The following KLC4 variants were observed in gnomAD, a reference collection of about 807,000 sequenced individuals.
KLC4 encodes kinesin light chain 4, also known as kinesin-like protein 8.
Under a neutral mutation model 77.2 loss-of-function variants are expected in KLC4, and 49 were observed. The ratio of observed to expected loss-of-function variants is 0.63; its 90% CI spans 0.50 to 0.80. KLC4 has a LOEUF of 0.80. KLC4 is among the 30% of genes least tolerant of loss of function. The probability of loss-of-function intolerance (pLI) is 0.00; values close to 1 mark genes in which losing one functional copy is unlikely to be tolerated. For missense variants in KLC4, 669 were observed against 793.5 expected (o/e 0.84, Z 1.89); for synonymous variants, 274 against 314.5 (o/e 0.87, Z 1.36).
chr6:43,066,919 AGTCCTTCCAAAGGGAAG>A, intron 5 of KLC4, 60 bp from the exon 6 acceptor site: 3 of 1,555,844 alleles, frequency 1.9e-6, no homozygotes, highest in Non-Finnish European at 2.6e-6. Context: ...AAATGTACTC[AGTCCTTCCAAAGGGAAG>A]GAGGGAAGGA....
intron 10 of KLC4, 101 bp downstream of exon 10, chr6:43,071,720 C>T: frequency 1.4e-6 from 2 of 1,457,498 alleles, no homozygotes; most frequent in Non-Finnish European, 1.9e-6. Flanking sequence ...ATCCCAGCAC[C>T]AGCCCCAGAT....
chr6:43,068,275 C>T (rs1765554450), intron 6 of KLC4, among the ~76,000 whole-genome samples: 1 of 150,354 alleles, frequency 6.7e-6, no homozygotes, highest in Non-Finnish European at 1.5e-5. Flanking sequence ...AGTTCAAGAC[C>T]ATCCTGGCCA....
At position 43,060,311 on chromosome 6, in the gene KLC4, C is replaced by G. The variant is rs1765077731; in HGVS notation, c.-26+626C>G. The G allele has an allele frequency of 6.2e-6, 10 of 1,611,632 alleles. No individual in the cohort carries two copies. The African/African-American group carries it at 1.2e-4, about 19-fold the overall frequency. ...TGGTTAAGTCTCTCTCTCTCATTCC[C>G]TTCCTGGGAGACAGTAGCTCCCTAG... On this transcript the variant is annotated intron_variant, in intron 1 of 15. Transcript: ENST00000347162.
chr6:43,073,569 C>T (rs922064288), intron 14 of KLC4: 6 of 532,862 alleles, frequency 1.1e-5, no homozygotes, highest in African/African-American at 3.8e-5. Context: ...ATTGCTGGAA[C>T]CCAGGAGGCA....
Position 43,072,828 on chromosome 6 carries a change from C to T in KLC4, c.1493C>T (p.Thr498Ile). Residue 498 changes from threonine to isoleucine, a missense_variant, in exon 13 of 16, where the codon ACT becomes ATT. By Grantham distance (89) the Thr-to-Ile change is moderately conservative (BLOSUM62 -1). Transcript: ENST00000347162. ...GGTCCTTCCTTTTCCTTCCAGGGCA[C>T]TGACCCTATCAGCCAGACGAAGGTG... ...ECALRSRRQG[T>I]DPISQTKVAE... The T allele has an allele frequency of 6.2e-7, 1 of 1,613,902 alleles. No homozygotes were observed. Among genetic ancestry groups the T allele is most frequent in the Non-Finnish European group, 8.5e-7 (1 of 1,179,906 alleles).
rs779697205 is a variant in KLC4, at chr6:43,063,112, C to A, written c.454C>A (p.Gln152Lys). 3.1e-6 allele frequency: 5 copies of A among 1,614,094 alleles called. No homozygotes were observed. Among genetic ancestry groups the A allele is most frequent in the Non-Finnish European group, 4.2e-6 (5 of 1,179,942 alleles). Residue 152 changes from glutamine to lysine, a missense_variant, in exon 3 of 16, where the codon CAG becomes AAG. Gln to Lys is a moderately conservative substitution (Grantham distance 53, BLOSUM62 1). Coordinates refer to ENST00000347162, the MANE Select transcript of KLC4 (RefSeq NM_201521.3). Reference sequence around the variant, plus strand: ...AAAGAAGCACCTGGAGTTCCTGGGGCAGCTGCGGCAGTATGATGAGGATGG... The same window carrying A: ...AAAGAAGCACCTGGAGTTCCTGGGGAAGCTGCGGCAGTATGATGAGGATGG... The part of the protein sequence containing the change: ...EEKKHLEFLG[Q>K]LRQYDEDGHT...
At chr6:43,067,269 C>T (rs4714661) in intron 6 of KLC4, 186 bp downstream of exon 6, 200,308 of 1,258,312 alleles carry the variant, frequency 0.16, 21,124 homozygotes, top group African/African-American at 0.52. Context: ...CTCTGAGACT[C>T]AGTGACTCCT....
chr6:43,071,771 T>G (rs1765742528), intron 10 of KLC4, 81 bp from the exon 11 acceptor site: 1 of 1,516,936 alleles, frequency 6.6e-7, no homozygotes, highest in African/African-American at 1.4e-5. Flanking sequence ...CCTAGCCCCA[T>G]GCCACCTTGC....
intron 8 of KLC4, among the ~76,000 whole-genome samples, 189 bp from the exon 9 acceptor site, chr6:43,071,086 G>A (rs1193288353): frequency 6.6e-6 from 1 of 151,854 alleles, no homozygotes; most frequent in Non-Finnish European, 1.5e-5. Context: ...CTTGGGAGTG[G>A]GCTGGGAATA....
At chr6:43,060,006 G>A in intron 1 of KLC4, 2 of 1,407,480 alleles carry the variant, frequency 1.4e-6, no homozygotes, top group Non-Finnish European at 1.9e-6. Flanking sequence ...CCAACCCTGG[G>A]CACCAGGGCA....
Position 43,063,057 on chromosome 6 carries a change from T to C in KLC4, c.399T>C (p.Ser133=). The C allele has an allele frequency of 1.9e-6, 3 of 1,614,168 alleles. No homozygotes were observed. The highest frequency in any genetic ancestry group is 2.5e-6 in the Non-Finnish European group (3 of 1,180,030). Residue 133 remains serine, a synonymous_variant, in exon 3 of 16, where the codon AGT becomes AGC. Transcript: ENST00000347162. ...LAGTQQRLQR[S]EQAVAQLEEE... Reference sequence around the variant, plus strand: ...GCACCCAGCAGCGGCTACAGCGCAGTGAACAGGCTGTGGCTCAGCTGGAGG... The same window carrying C: ...GCACCCAGCAGCGGCTACAGCGCAGCGAACAGGCTGTGGCTCAGCTGGAGG...
Position 43,059,690 on chromosome 6 carries a change from G to C in KLC4, c.-26+5G>C. ...AGCCACACCGGCAGATTGCAGGTGA[G>C]TCTTTGAGGGTATCCTGGGGCTGAA... On this transcript the variant is annotated splice_donor_5th_base_variant and intron_variant, in intron 1 of 15. Transcript: ENST00000347162. The C allele has an allele frequency of 2.3e-6, 3 of 1,320,668 alleles. No homozygotes were observed. Among genetic ancestry groups the C allele is most frequent in the Non-Finnish European group, 2.9e-6 (3 of 1,036,936 alleles). The allele number at this position is 1,320,668 out of a possible 1,614,324, so 81.8% of individuals were successfully genotyped here. A position where few individuals can be genotyped will look rare whatever the true frequency, so the allele number is the denominator to read the frequency against.
rs1033787570 is a variant in KLC4 at position 43,063,045 on chromosome 6, G to A, written c.387G>A (p.Arg129=). The change falls in exon 3 of 16, where the codon CGG becomes CGA. Residue 129 remains arginine (R), a synonymous_variant. Transcript: ENST00000347162. ...LRDELAGTQQ[R]LQRSEQAVAQ... The stretch of plus-strand genomic sequence containing the variant: ...ATGAGCTGGCTGGCACCCAGCAGCG[G>A]CTACAGCGCAGTGAACAGGCTGTGG... 6.2e-7 allele frequency: 1 copy of A among 1,614,254 alleles called. No homozygotes were observed. The highest frequency in any genetic ancestry group is 1.1e-5 in the South Asian group (1 of 91,084).
chr6:43,073,811 G>GC (rs1765845748), intron 14 of KLC4, 91 bp from the exon 15 acceptor site: 5 of 1,063,976 alleles, frequency 4.7e-6, no homozygotes, highest in Admixed American at 1.7e-5. Flanking sequence ...TAGAATGGGT[G>GC]CCCCAGTGTG....
In KLC4 at chr6:43,067,105, C is replaced by A. The variant is rs768645325; in HGVS notation, c.879+22C>A. ...TGCTGTCAGTATTCCTTGCCCTCCC[C>A]ACCCCACGCCCCGCACCCCCCACCA... is the stretch of plus-strand genomic sequence containing the variant. On this transcript the variant is annotated intron_variant, in intron 6 of 15. Coordinates refer to ENST00000347162, the MANE Select transcript of KLC4 (RefSeq NM_201521.3). 3.1e-6 allele frequency: 5 copies of A among 1,611,748 alleles called. No individual in the cohort carries two copies. The Admixed American group carries it at 8.3e-5, about 27-fold the overall frequency.
intron 2 of KLC4, 50 bp from the exon 3 acceptor site, chr6:43,062,867 C>A: frequency 6.6e-7 from 1 of 1,521,940 alleles, no homozygotes; most frequent in Non-Finnish European, 9.1e-7. Context: ...TCCACCTGTT[C>A]CTGAATACTC....
Position 43,065,684 on chromosome 6 carries a change from A to C in KLC4, c.554A>C (p.Glu185Ala), listed in dbSNP as rs1245512602. The change falls in exon 4 of 16, where the codon GAG becomes GCG. Residue 185 changes from glutamate to alanine, a missense_variant. By Grantham distance (107) the Glu-to-Ala change is moderately radical (BLOSUM62 -1). Transcript: ENST00000347162. ...LDDLFPNEEE[E>A]DPSNGLSRGQ... is the part of the protein sequence containing the mutation. ...GACCTCTTTCCTAATGAGGAGGAAG[A>C]GGACCCCAGCAATGGCTGTGAGTCT... 1 of 1,613,218 alleles carries C rather than the reference A, an allele frequency of 6.2e-7. No individual in the cohort carries two copies. The highest frequency in any genetic ancestry group is 1.3e-5 in the African/African-American group (1 of 74,928).
chr6:43,062,652 G>C (rs139668511), intron 2 of KLC4: 16 of 516,136 alleles, frequency 3.1e-5, no homozygotes, highest in South Asian at 2.1e-4. Context: ...GACAATAGGG[G>C]AACAAGGGCA....
chr6:43,067,317 A>G (rs1765487825), intron 6 of KLC4: 4 of 914,956 alleles, frequency 4.4e-6, no homozygotes, highest in Non-Finnish European at 4.5e-6. Flanking sequence ...TAATTAATAG[A>G]TAAGTCATAG....
Sources: gnomAD v4.1 joint callset for allele counts (sites outside exome capture counted in the v4.1 genomes callset) on GRCh38, gnomAD v4.1.1 for gene constraint, MANE v1.5 for transcripts, NCBI Gene and HGNC (gene_info 2026-07-23, HGNC 2026-07-21) for gene names.